FAM210A: variants seen among roughly 807,000 people sequenced by gnomAD.
The protein encoded by FAM210A is mitochondrial inner membrane scaffold 1, also known as family with sequence similarity 210 member A.
A neutral mutation model predicts 25.3 loss-of-function variants in FAM210A; 13 were observed. That is an observed-to-expected ratio of 0.51 (90% CI 0.33 to 0.82). FAM210A has a LOEUF of 0.82. Among genes scored for constraint, FAM210A ranks in the 40% least tolerant of loss-of-function variants. FAM210A has a pLI of 0.02. For synonymous variants in FAM210A, 125 were observed against 118.7 expected (o/e 1.05, Z -0.35); for missense variants, 319 against 323.2 (o/e 0.99, Z 0.10).
At chr18:13,666,769 A>G (rs1149356) in intron 3 of FAM210A, 56 bp from the exon 4 acceptor site, 825,331 of 1,479,428 alleles carry the variant, frequency 0.56, 233,230 homozygotes, top group East Asian at 0.85. Context: ...TGTCATCTTA[A>G]GCAAAAACAA....
At chr18:13,706,361 G>A (rs1304649901) in intron 1 of FAM210A, among the ~76,000 whole-genome samples, 1 of 149,434 alleles carries the variant, frequency 6.7e-6, no homozygotes, top group Non-Finnish European at 1.5e-5. Flanking sequence ...ATGGGGGGGG[G>A]TCGTCTGTTG....
At chr18:13,721,454 T>A (rs1377474988) in intron 1 of FAM210A, among the ~76,000 whole-genome samples, 1 of 152,184 alleles carries the variant, frequency 6.6e-6, no homozygotes, top group Admixed American at 6.5e-5. Context: ...GAGGGTTGAA[T>A]GCGAATATGT....
chr18:13,683,792 A>T (rs1285752137), intron 1 of FAM210A, among the ~76,000 whole-genome samples: 1 of 152,178 alleles, frequency 6.6e-6, no homozygotes, highest in African/African-American at 2.4e-5. Context: ...TATCCTAAGT[A>T]ACAGACAGTG....
intron 1 of FAM210A, among the ~76,000 whole-genome samples, chr18:13,702,511 C>T (rs936843246): frequency 6.6e-6 from 1 of 152,202 alleles, no homozygotes; most frequent in Non-Finnish European, 1.5e-5. Flanking sequence ...TTATTTCCTT[C>T]GGAGCTTGAT....
chr18:13,707,581 A>G (rs2043788709), intron 1 of FAM210A, among the ~76,000 whole-genome samples: 1 of 152,256 alleles, frequency 6.6e-6, no homozygotes, highest in South Asian at 2.1e-4. Flanking sequence ...GTTTTGGTCA[A>G]TCTCTCAAAA....
At chr18:13,673,310 C>T (rs551726763) in intron 2 of FAM210A, among the ~76,000 whole-genome samples, 1 of 140,142 alleles carries the variant, frequency 7.1e-6, no homozygotes, top group Admixed American at 7.6e-5. Context: ...TTCCAGTTTC[C>T]TGATTATTAA....
intron 1 of FAM210A, among the ~76,000 whole-genome samples, chr18:13,686,177 C>A (rs886423469): frequency 6.6e-6 from 1 of 152,170 alleles, no homozygotes; most frequent in African/African-American, 2.4e-5. Flanking sequence ...CTATGAATAA[C>A]TTTAACTCTA....
intron 1 of FAM210A, among the ~76,000 whole-genome samples, chr18:13,683,661 C>T (rs1417527892): frequency 6.6e-6 from 1 of 151,648 alleles, no homozygotes; most frequent in East Asian, 1.9e-4. Flanking sequence ...ATTATAGTAG[C>T]CATTACCATA....
chr18:13,689,154 C>T (rs773110996), intron 1 of FAM210A, among the ~76,000 whole-genome samples: 6 of 152,204 alleles, frequency 3.9e-5, no homozygotes, highest in Non-Finnish European at 5.9e-5. Context: ...TTGTGTAAAA[C>T]GTACATCTAC....
At chr18:13,673,619 C>G (rs971053706) in intron 2 of FAM210A, among the ~76,000 whole-genome samples, 2 of 147,860 alleles carry the variant, frequency 1.4e-5, no homozygotes, top group African/African-American at 2.5e-5. Flanking sequence ...TTCCAGTTTC[C>G]TGATTATTAA....
In FAM210A at chr18:13,702,087, G is replaced by A. The variant is rs557953229; in HGVS notation, c.-28-19982C>T. ...AAAAGATGATTTTGCTTTGTGTGGC[G>A]GCTTGGCCCCCAAGGCTGTGGTGCA... On this transcript the variant is annotated intron_variant, in intron 1 of 3. Transcript: ENST00000651643. Among the ~76,000 whole-genome samples, 35 of 152,308 alleles carry A rather than the reference G, an allele frequency of 2.3e-4. No individual in the cohort carries two copies. The South Asian group carries it at 4.4e-3, about 19-fold the overall frequency.
intron 3 of FAM210A, among the ~76,000 whole-genome samples, chr18:13,667,837 T>C (rs1297078562): frequency 6.6e-6 from 1 of 152,094 alleles, no homozygotes; most frequent in African/African-American, 2.4e-5. Flanking sequence ...TCAAGACTAG[T>C]CTGGGCAACA....
At chr18:13,686,152 A>G (rs1309281033) in intron 1 of FAM210A, among the ~76,000 whole-genome samples, 3 of 152,234 alleles carry the variant, frequency 2.0e-5, no homozygotes, top group Admixed American at 6.5e-5. Flanking sequence ...ATATTAAAAA[A>G]GCAATAAAGG....
At chr18:13,725,478 AT>A (rs1416905149) in intron 1 of FAM210A, among the ~76,000 whole-genome samples, 1 of 152,204 alleles carries the variant, frequency 6.6e-6, no homozygotes, top group East Asian at 1.9e-4. Context: ...CTATTCATTA[AT>A]ATACCTGTGC....
intron 2 of FAM210A, among the ~76,000 whole-genome samples, chr18:13,677,297 A>G (rs147003691): frequency 0.018 from 2,699 of 152,142 alleles, 29 homozygotes; most frequent in Middle Eastern, 0.061. Flanking sequence ...GATGGTCTGG[A>G]TCTCCTGACC....
chr18:13,690,656 C>T (rs1220699584), intron 1 of FAM210A, among the ~76,000 whole-genome samples: 3 of 152,146 alleles, frequency 2.0e-5, no homozygotes, highest in Non-Finnish European at 2.9e-5. Context: ...CTGGAGTGGA[C>T]CTCCAGCAAA....
rs2043763338 is a variant in FAM210A, at chr18:13,704,469, A to T, written c.-29+21860T>A. Among the ~76,000 whole-genome samples, 4 of 152,218 alleles carry T rather than the reference A, an allele frequency of 2.6e-5. No individual in the cohort carries two copies. The South Asian group carries it at 8.3e-4, about 32-fold the overall frequency. On this transcript the variant is annotated intron_variant, in intron 1 of 3. Transcript: ENST00000651643. The stretch of plus-strand genomic sequence containing the variant: ...TCACAAAAATTGCAAAGGGTTATAT[A>T]AGGTTTATAAAAATCTCACCTCATG...
chr18:13,707,327 A>G (rs1484597739), intron 1 of FAM210A, among the ~76,000 whole-genome samples: 1 of 152,162 alleles, frequency 6.6e-6, no homozygotes, highest in African/African-American at 2.4e-5. Flanking sequence ...AAACCAAACA[A>G]AAGTGGAGCC....
At chr18:13,688,373 G>C (rs893117511) in intron 1 of FAM210A, among the ~76,000 whole-genome samples, 1 of 152,206 alleles carries the variant, frequency 6.6e-6, no homozygotes, top group Non-Finnish European at 1.5e-5. Context: ...TGACAGAGGG[G>C]AGAAGTGGCT....
Sources: allele counts gnomAD v4.1 joint callset (sites outside exome capture counted in the v4.1 genomes callset), GRCh38; gene constraint gnomAD v4.1.1; transcripts MANE v1.5; gene names NCBI Gene and HGNC (gene_info 2026-07-23, HGNC 2026-07-21).